RAD54L2: variants seen among roughly 807,000 people sequenced by gnomAD.
The protein encoded by RAD54L2 is RAD54 like 2, also known as helicase ARIP4.
A neutral mutation model predicts 138.4 loss-of-function variants in RAD54L2; 27 were observed. The ratio of observed to expected loss-of-function variants is 0.20; its 90% CI spans 0.14 to 0.27. The LOEUF (loss-of-function observed/expected upper bound fraction) is 0.27. RAD54L2 is among the 10% of genes least tolerant of loss of function. RAD54L2 has a pLI of 1.00. For synonymous variants in RAD54L2, 644 were observed against 723.2 expected, an observed-to-expected ratio of 0.89 and a Z score of 1.76; for missense variants, 1,396 against 1,890.2, an observed-to-expected ratio of 0.74 and a Z score of 4.85.
chr3:51,544,032 TA>T (rs1228352478), intron 2 of RAD54L2, among the ~76,000 whole-genome samples: 3 of 152,214 alleles, frequency 2.0e-5, no homozygotes, highest in African/African-American at 7.2e-5. Flanking sequence ...ATTATTTATA[TA>T]TTTTTTCCTC....
At chr3:51,607,075 TTTA>T (rs1350909176) in intron 3 of RAD54L2, among the ~76,000 whole-genome samples, 2 of 148,990 alleles carry the variant, frequency 1.3e-5, no homozygotes, top group Non-Finnish European at 3.0e-5. Flanking sequence ...TTTATTTTTT[TTTA>T]TTTTTTTATT....
chr3:51,589,683 T>TACACACACACACAC, intron 2 of RAD54L2, among the ~76,000 whole-genome samples: 1 of 144,864 alleles, frequency 6.9e-6, no homozygotes, highest in African/African-American at 2.5e-5. Flanking sequence ...TATATATATA[T>TACACACACACACAC]ACACACACAC....
At position 51,580,015 on chromosome 3, in the gene RAD54L2, A is replaced by G. The variant is rs112558014; in HGVS notation, c.-54-10352A>G. On this transcript the variant is annotated intron_variant, in intron 2 of 22. Transcript: ENST00000684192. ...TTTTCCGATTCTCTGGACACCAACT[A>G]GATGTTCAACAGTATTCAATTCTGA... 5.1e-3 allele frequency among the ~76,000 whole-genome samples: 774 copies of G among 152,180 alleles called. 5 individuals carry two copies. The highest frequency in any genetic ancestry group is 0.017 in the African/African-American group (721 of 41,520).
At chr3:51,652,429 C>G (rs1439118958) in intron 19 of RAD54L2, among the ~76,000 whole-genome samples, 1 of 151,080 alleles carries the variant, frequency 6.6e-6, no homozygotes, top group South Asian at 2.1e-4. Context: ...CTGGAAAAAA[C>G]TAAAGTTCAT....
chr3:51,550,891 A>T (rs1011292309), intron 2 of RAD54L2, among the ~76,000 whole-genome samples: 2 of 152,054 alleles, frequency 1.3e-5, no homozygotes, highest in Non-Finnish European at 2.9e-5. Flanking sequence ...TACTAAAAAT[A>T]TAAAAATTAG....
At chr3:51,625,918 G>A (rs1048207145) in intron 3 of RAD54L2, among the ~76,000 whole-genome samples, 6 of 152,086 alleles carry the variant, frequency 3.9e-5, no homozygotes, top group Non-Finnish European at 2.9e-5. Context: ...CTGAGAAGCT[G>A]CCATAGTTTA....
intron 3 of RAD54L2, among the ~76,000 whole-genome samples, chr3:51,618,789 T>C (rs1344748869): frequency 6.6e-6 from 1 of 152,178 alleles, no homozygotes; most frequent in Non-Finnish European, 1.5e-5. Flanking sequence ...GAGTGGAATA[T>C]GGCAGACTTT....
rs1321754004 is a variant in RAD54L2, at chr3:51,645,462, T to C, written c.2657-129T>C. On this transcript the variant is annotated intron_variant, in intron 17 of 22. Transcript: ENST00000684192. The surrounding 1 kb of genome is among the most constrained non-coding windows in gnomAD (Gnocchi z 6.1). ...TTATACAAGTTTTCCCCTTATATGA[T>C]GTTTCCAGTGTCACCAGCACCTCAG... 9.5e-7 allele frequency: 1 copy of C among 1,048,522 alleles called. No homozygotes were observed. The highest frequency in any genetic ancestry group is 1.6e-5 in the African/African-American group (1 of 61,748). The allele number at this position is 1,048,522 out of a possible 1,614,324, so 65.0% of individuals were successfully genotyped here.
At chr3:51,586,766 A>C (rs59525691) in intron 2 of RAD54L2, among the ~76,000 whole-genome samples, 5,808 of 151,354 alleles carry the variant, frequency 0.038, 395 homozygotes, top group African/African-American at 0.13. Context: ...TGGGGGTTTC[A>C]CCATGTTGTT....
At chr3:51,571,577 G>A (rs902204800) in intron 2 of RAD54L2, among the ~76,000 whole-genome samples, 6 of 151,584 alleles carry the variant, frequency 4.0e-5, no homozygotes, top group South Asian at 4.2e-4. Context: ...TATGTTGACC[G>A]GGGCAGTCTC....
In RAD54L2 at chr3:51,639,982, C is replaced by A; in HGVS notation, c.2214C>A (p.Asp738Glu). The A allele has an allele frequency of 6.2e-7, 1 of 1,604,714 alleles. No homozygotes were observed. The highest frequency in any genetic ancestry group is 1.1e-5 in the South Asian group (1 of 90,364). The change falls in exon 14 of 23, where the codon GAC (aspartate) becomes GAA (glutamate). Residue 738 changes from aspartate (D) to glutamate (E), a missense_variant. Around this residue, in one of 7 missense-constraint regions of RAD54L2, gnomAD observed 211 missense variants for 273.8 expected, o/e 0.77. Coordinates refer to ENST00000684192, the MANE Select transcript of RAD54L2 (RefSeq NM_015106.4). The stretch of plus-strand genomic sequence containing the variant: ...TTGAGGAAAGTGTGAAGCTTGGGGA[C>A]AAGATCCTTGTGTTTAGGTAGGATG... ...HLIEESVKLG[D>E]KILVFSQSLS... is the part of the protein sequence containing the mutation.
intron 19 of RAD54L2, among the ~76,000 whole-genome samples, chr3:51,654,916 T>C (rs1009098006): frequency 1.3e-5 from 2 of 152,178 alleles, no homozygotes; most frequent in Non-Finnish European, 2.9e-5. Flanking sequence ...CTGCAGGGTA[T>C]GCGGCTTGGG....
intron 3 of RAD54L2, among the ~76,000 whole-genome samples, chr3:51,606,739 G>A (rs1056955220): frequency 7.2e-5 from 11 of 151,920 alleles, no homozygotes; most frequent in Non-Finnish European, 1.5e-4. Context: ...CTGGAGTGCA[G>A]TGGTGTTATC....
intron 2 of RAD54L2, among the ~76,000 whole-genome samples, chr3:51,548,074 A>G (rs944514972): frequency 6.7e-6 from 1 of 150,118 alleles, no homozygotes; most frequent in African/African-American, 2.5e-5. Flanking sequence ...TTGTATTTTT[A>G]GTAGAGATGG....
chr3:51,592,623 G>A (rs969056619), intron 3 of RAD54L2, among the ~76,000 whole-genome samples: 10 of 150,888 alleles, frequency 6.6e-5, no homozygotes, highest in Admixed American at 5.3e-4. Context: ...GGCCCTGGCT[G>A]GAGTGCAATG....
intron 18 of RAD54L2, 81 bp from the exon 19 acceptor site, chr3:51,646,204 G>C: frequency 7.7e-7 from 1 of 1,305,308 alleles, no homozygotes; most frequent in Non-Finnish European, 1.1e-6. Flanking sequence ...GAGACAGCCA[G>C]CTCTTTTCTT....
intron 2 of RAD54L2, among the ~76,000 whole-genome samples, chr3:51,556,901 T>C (rs1698982450): frequency 1.3e-5 from 2 of 152,058 alleles, no homozygotes; most frequent in South Asian, 4.1e-4. Context: ...TCCTTTGTTG[T>C]CTGGCTTGGT....
Position 51,664,648 on chromosome 3 carries a change from G to A in RAD54L2, c.*1228G>A, listed in dbSNP as rs1479422037. 6.6e-6 allele frequency: 1 copy of A among 152,174 alleles called. No homozygotes were observed. Among genetic ancestry groups the A allele is most frequent in the Non-Finnish European group, 1.5e-5 (1 of 68,016 alleles). 9.4% of individuals were successfully genotyped at this position (152,174 alleles called of 1,614,324 possible). On this transcript the variant is annotated 3_prime_UTR_variant, in exon 23 of 23. Transcript: ENST00000684192. ...CACTGGTGAAAAACAATCCTGGATG[G>A]ATGGTAAATTGACCAGGGGAAGAGT... is the stretch of plus-strand genomic sequence containing the variant.
intron 3 of RAD54L2, among the ~76,000 whole-genome samples, chr3:51,618,181 A>G (rs954851296): frequency 1.4e-5 from 2 of 143,292 alleles, no homozygotes; most frequent in South Asian, 4.4e-4. Context: ...TCACCATGTT[A>G]GTAGCCAGGA....
Sources: allele counts gnomAD v4.1 joint callset (sites outside exome capture counted in the v4.1 genomes callset), GRCh38; gene constraint gnomAD v4.1.1; regional missense constraint gnomAD v4.1.1; non-coding constraint Gnocchi (gnomAD v3.1); transcripts MANE v1.5; gene names NCBI Gene and HGNC (gene_info 2026-07-23, HGNC 2026-07-21).